The following BORCS5 variants were observed in gnomAD, a reference collection of about 807,000 sequenced individuals.
The protein encoded by BORCS5 is BLOC-1 related complex subunit 5, also known as BLOC-1-related complex subunit 5.
Under a neutral mutation model 22.1 loss-of-function variants are expected in BORCS5, and 17 were observed. The observed-to-expected ratio is 0.77, with a 90% CI of 0.53 to 1.15. BORCS5 has a LOEUF of 1.15. Ranked by LOEUF, BORCS5 falls within the 50% of genes most tolerant of loss-of-function variation. The probability of loss-of-function intolerance (pLI) is 0.00; values close to 1 mark genes in which losing one functional copy is unlikely to be tolerated. For synonymous variants in BORCS5, 117 were observed against 99.8 expected, an observed-to-expected ratio of 1.17 and a Z score of -1.03; for missense variants, 247 against 253.2, an observed-to-expected ratio of 0.98 and a Z score of 0.17.
chr12:12,446,210 C>G (rs1294495675), intron 3 of BORCS5, among the ~76,000 whole-genome samples: 2 of 136,262 alleles, frequency 1.5e-5, no homozygotes. Context: ...AGACAATAAA[C>G]ACGGTAAAAA....
chr12:12,430,345 G>T (rs895397771), intron 2 of BORCS5, among the ~76,000 whole-genome samples: 1 of 151,936 alleles, frequency 6.6e-6, no homozygotes, highest in Non-Finnish European at 1.5e-5. Flanking sequence ...TAGAGACGGG[G>T]TTTCACCATG....
chr12:12,368,465 G>A (rs564229153), intron 2 of BORCS5, among the ~76,000 whole-genome samples: 6 of 151,392 alleles, frequency 4.0e-5, no homozygotes, highest in African/African-American at 1.2e-4. Flanking sequence ...TTTTTTTTGA[G>A]ATGGGGTCTT....
chr12:12,443,838 A>G (rs1031665912), intron 3 of BORCS5, among the ~76,000 whole-genome samples: 1 of 152,194 alleles, frequency 6.6e-6, no homozygotes, highest in African/African-American at 2.4e-5. Flanking sequence ...GCCAGGTTCT[A>G]GAGCCCCTGT....
At chr12:12,452,661 A>G (rs954362024) in intron 3 of BORCS5, among the ~76,000 whole-genome samples, 2 of 152,340 alleles carry the variant, frequency 1.3e-5, no homozygotes, top group South Asian at 2.1e-4. Context: ...GGTCACTTCA[A>G]AGTGTCCAGA....
At chr12:12,460,012 T>C (rs1943073879) in intron 3 of BORCS5, among the ~76,000 whole-genome samples, 1 of 152,362 alleles carries the variant, frequency 6.6e-6, no homozygotes, top group East Asian at 1.9e-4. Context: ...TTGGCCATTC[T>C]GTGTACTAAG....
At position 12,357,320 on chromosome 12, in the gene BORCS5, C is replaced by G; in HGVS notation, c.-132C>G. 4.1e-6 allele frequency: 6 copies of G among 1,474,416 alleles called. No individual in the cohort carries two copies. Among genetic ancestry groups the G allele is most frequent in the Non-Finnish European group, 5.4e-6 (6 of 1,107,708 alleles). 91.3% of individuals were successfully genotyped at this position (1,474,416 alleles called of 1,614,324 possible). ...GTGGGCTGGACGCGTCAGCCCCACA[C>G]ATTAGCCTCGCTGCGGCGCCCAGAC... On this transcript the variant is annotated 5_prime_UTR_variant, in exon 1 of 4. Transcript: ENST00000314565.
At chr12:12,419,256 C>G (rs1942052561) in intron 2 of BORCS5, among the ~76,000 whole-genome samples, 1 of 152,162 alleles carries the variant, frequency 6.6e-6, no homozygotes, top group Admixed American at 6.5e-5. Context: ...CAAGTGATCT[C>G]ATTGTTCAGT....
chr12:12,374,548 G>T (rs893625075), intron 2 of BORCS5, among the ~76,000 whole-genome samples: 1 of 152,038 alleles, frequency 6.6e-6, no homozygotes, highest in Non-Finnish European at 1.5e-5. Flanking sequence ...GCTGAAGTGG[G>T]AGGATCACTT....
chr12:12,459,661 T>A (rs1943067392), intron 3 of BORCS5, among the ~76,000 whole-genome samples: 1 of 152,234 alleles, frequency 6.6e-6, no homozygotes. Context: ...TTTATAGTTT[T>A]AGCTTCCATA....
chr12:12,428,471 A>G (rs1176830042), intron 2 of BORCS5, among the ~76,000 whole-genome samples: 2 of 152,266 alleles, frequency 1.3e-5, no homozygotes, highest in East Asian at 1.9e-4. Context: ...AAATATCTCC[A>G]GTATTTACCA....
chr12:12,362,604 T>A (rs1042085860), intron 2 of BORCS5, among the ~76,000 whole-genome samples: 1 of 146,450 alleles, frequency 6.8e-6, no homozygotes, highest in Non-Finnish European at 1.5e-5. Flanking sequence ...CTGGCTCTTA[T>A]GTAAAACAAC....
chr12:12,360,768 TCAA>T (rs1863264987), intron 1 of BORCS5, among the ~76,000 whole-genome samples: 1 of 151,858 alleles, frequency 6.6e-6, no homozygotes, highest in South Asian at 2.1e-4. Flanking sequence ...TTGCCCAGGC[TCAA>T]GTGCAGTGGC....
Position 12,469,516 on chromosome 12 carries a change from C to T in BORCS5, c.*3740C>T, listed in dbSNP as rs146298010. ...TGTTACCCTTACGTTATAGGTATTA[C>T]AAACTCGGTTTTACAAGGTTACATA... is the stretch of plus-strand genomic sequence containing the variant. On this transcript the variant is annotated 3_prime_UTR_variant, in exon 4 of 4. Coordinates refer to ENST00000314565, the MANE Select transcript of BORCS5 (RefSeq NM_058169.6). 354 of 152,340 alleles carry T rather than the reference C, an allele frequency of 2.3e-3. 1 individual carries two copies. The highest frequency in any genetic ancestry group is 7.1e-3 in the African/African-American group (296 of 41,572). The allele number at this position is 152,340 out of a possible 1,614,324, so 9.4% of individuals were successfully genotyped here.
chr12:12,398,369 C>T (rs1410069783), intron 2 of BORCS5, among the ~76,000 whole-genome samples: 2 of 151,828 alleles, frequency 1.3e-5, no homozygotes, highest in African/African-American at 4.8e-5. Context: ...GGAAAATGAG[C>T]AGGAGAAGGA....
intron 2 of BORCS5, among the ~76,000 whole-genome samples, chr12:12,430,627 TA>T (rs1272612582): frequency 2.6e-5 from 4 of 152,150 alleles, no homozygotes; most frequent in Non-Finnish European, 4.4e-5. Context: ...TTTATTTATT[TA>T]AAAAATATTT....
At position 12,426,672 on chromosome 12, in the gene BORCS5, A is replaced by T. The variant is rs563689951; in HGVS notation, c.203-8956A>T. Reference sequence around the variant, plus strand: ...GCAAGAATAAAGGGAACAGAGTTTTATCAAAATCCTATTGTGTGCTAGGCA... The same window carrying T: ...GCAAGAATAAAGGGAACAGAGTTTTTTCAAAATCCTATTGTGTGCTAGGCA... On this transcript the variant is annotated intron_variant, in intron 2 of 3. Transcript: ENST00000314565. 9.2e-5 allele frequency among the ~76,000 whole-genome samples: 14 copies of T among 152,380 alleles called. No homozygotes were observed. In the South Asian group the frequency reaches 2.9e-3, roughly 32 times the overall value.
At chr12:12,360,226 G>T (rs1863248728) in intron 1 of BORCS5, among the ~76,000 whole-genome samples, 1 of 152,082 alleles carries the variant, frequency 6.6e-6, no homozygotes, top group Admixed American at 6.5e-5. Flanking sequence ...GCCAGATGTG[G>T]TGGTGCATGC....
intron 2 of BORCS5, among the ~76,000 whole-genome samples, chr12:12,423,685 G>GTCTTT (rs1434716697): frequency 1.1e-5 from 1 of 87,836 alleles, no homozygotes; most frequent in African/African-American, 5.4e-5. Flanking sequence ...CAAATTTCTC[G>GTCTTT]TTGTCTTTTT....
At chr12:12,455,164 C>T (rs1190220413) in intron 3 of BORCS5, among the ~76,000 whole-genome samples, 2 of 152,210 alleles carry the variant, frequency 1.3e-5, no homozygotes, top group East Asian at 3.8e-4. Flanking sequence ...TTACATATCA[C>T]TGCCTGCTCA....
Sources: gnomAD v4.1 joint callset for allele counts (sites outside exome capture counted in the v4.1 genomes callset) on GRCh38, gnomAD v4.1.1 for gene constraint, MANE v1.5 for transcripts, NCBI Gene and HGNC (gene_info 2026-07-23, HGNC 2026-07-21) for gene names.